SLC44A1: variants seen among roughly 807,000 people sequenced by gnomAD.
SLC44A1 encodes the protein solute carrier family 44 member 1.
SLC44A1 carries 26 observed loss-of-function variants against 79.3 expected under a neutral mutation model. The observed-to-expected ratio is 0.33, with a 90% CI of 0.24 to 0.46. The LOEUF (loss-of-function observed/expected upper bound fraction) is 0.46, where lower values mean the gene tolerates loss of function less well. Ranked by LOEUF, SLC44A1 falls within the 20% of genes least tolerant of loss-of-function variation. The pLI, the probability that SLC44A1 is intolerant of heterozygous loss-of-function variation, is 1.00. For missense variants in SLC44A1, 688 were observed against 798.1 expected (o/e 0.86, Z 1.66); for synonymous variants, 263 against 286.2 (o/e 0.92, Z 0.82).
chr9:105,259,264 A>G (rs1010369480), intron 1 of SLC44A1, among the ~76,000 whole-genome samples: 6 of 152,190 alleles, frequency 3.9e-5, no homozygotes, highest in African/African-American at 1.4e-4. Flanking sequence ...ATAATTCACC[A>G]ATTCCTGAAA....
At chr9:105,369,630 T>G (rs1189216666) in intron 12 of SLC44A1, among the ~76,000 whole-genome samples, 3 of 152,222 alleles carry the variant, frequency 2.0e-5, no homozygotes, top group Non-Finnish European at 4.4e-5. Flanking sequence ...TTCTTTAATT[T>G]ATACGAATCC....
At chr9:105,354,708 T>G (rs1430431157) in intron 5 of SLC44A1, among the ~76,000 whole-genome samples, 1 of 152,254 alleles carries the variant, frequency 6.6e-6, no homozygotes, top group Non-Finnish European at 1.5e-5. Flanking sequence ...AAAATTATAT[T>G]ATTTTAACGT....
chr9:105,370,166 GAAAGCCAC>G (rs1274031838), intron 12 of SLC44A1, among the ~76,000 whole-genome samples: 2 of 152,206 alleles, frequency 1.3e-5, no homozygotes, highest in Non-Finnish European at 2.9e-5. Context: ...AGTTATCAGG[GAAAGCCAC>G]AAAGGACTCC....
At chr9:105,375,022 GTGTTGTTTTTTTGT>G (rs912820362) in intron 13 of SLC44A1, among the ~76,000 whole-genome samples, 1 of 152,134 alleles carries the variant, frequency 6.6e-6, no homozygotes, top group African/African-American at 2.4e-5. Flanking sequence ...TTCTCTTTCT[GTGTTGTTTTTTTGT>G]TGTTGTTTGT....
intron 13 of SLC44A1, among the ~76,000 whole-genome samples, chr9:105,379,095 C>T (rs1287893521): frequency 6.6e-6 from 1 of 152,038 alleles, no homozygotes; most frequent in African/African-American, 2.4e-5. Context: ...AACAACATGG[C>T]GAAACCCCAT....
At chr9:105,328,369 T>A (rs1826647626) in intron 3 of SLC44A1, among the ~76,000 whole-genome samples, 1 of 152,152 alleles carries the variant, frequency 6.6e-6, no homozygotes, top group African/African-American at 2.4e-5. Flanking sequence ...CAGCAAAGGC[T>A]TCACTGAGAA....
intron 1 of SLC44A1, among the ~76,000 whole-genome samples, chr9:105,251,353 G>A (rs1829583870): frequency 1.3e-5 from 2 of 151,998 alleles, no homozygotes; most frequent in Admixed American, 6.6e-5. Flanking sequence ...CCTTCTCAAC[G>A]TCACTGCCAG....
At chr9:105,429,455 A>C (rs1017228316) in intron 15 of SLC44A1, among the ~76,000 whole-genome samples, 2 of 152,056 alleles carry the variant, frequency 1.3e-5, no homozygotes, top group African/African-American at 4.8e-5. Context: ...AGTATGTGCC[A>C]CCGTGCCTGG....
intron 1 of SLC44A1, among the ~76,000 whole-genome samples, chr9:105,261,958 T>A (rs1345162165): frequency 6.6e-6 from 1 of 152,006 alleles, no homozygotes; most frequent in African/African-American, 2.4e-5. Context: ...TTTATTTTTT[T>A]ATTTTTAGTT....
intron 5 of SLC44A1, among the ~76,000 whole-genome samples, chr9:105,355,726 T>C (rs1278366241): frequency 1.3e-5 from 2 of 152,214 alleles, no homozygotes; most frequent in Non-Finnish European, 2.9e-5. Context: ...TGTATGCTGT[T>C]TTGTTAGAGG....
At chr9:105,428,050 G>A (rs10123783) in intron 15 of SLC44A1, among the ~76,000 whole-genome samples, 6,195 of 151,772 alleles carry the variant, frequency 0.041, 406 homozygotes, top group African/African-American at 0.14. Context: ...GTACTTTTTC[G>A]GTCATATTAG....
intron 5 of SLC44A1, among the ~76,000 whole-genome samples, chr9:105,355,462 A>G (rs1214452829): frequency 6.6e-6 from 1 of 152,230 alleles, no homozygotes; most frequent in African/African-American, 2.4e-5. Flanking sequence ...ATGTGATCCT[A>G]ACAAGTCCAG....
In SLC44A1 at chr9:105,374,706, G is replaced by A. The variant is rs1243218533; in HGVS notation, c.1603G>A (p.Val535Ile). The change falls in exon 13 of 16, where the codon GTA becomes ATA. Residue 535 changes from valine (V) to isoleucine (I), a missense_variant. By Grantham distance (29) the Val-to-Ile change is conservative. Coordinates refer to ENST00000374720, the MANE Select transcript of SLC44A1 (RefSeq NM_080546.5). The part of the protein sequence containing the change: ...NALRVATINT[V>I]GDFMLFLGKV... ...TTTGCGAGTGGCTACCATCAACACA[G>A]TAGGAGATTTTATGTTATTCCTTGG... 1 of 1,613,012 alleles carries A rather than the reference G, an allele frequency of 6.2e-7. No individual in the cohort carries two copies. Among genetic ancestry groups the A allele is most frequent in the African/African-American group, 1.3e-5 (1 of 74,912 alleles).
At chr9:105,376,375 CTTT>C (rs34947116) in intron 13 of SLC44A1, among the ~76,000 whole-genome samples, 3 of 136,334 alleles carry the variant, frequency 2.2e-5, no homozygotes, top group African/African-American at 2.8e-5. Flanking sequence ...ACACACACTG[CTTT>C]TTTTTTTTTT....
chr9:105,386,746 G>C (rs1310243421), intron 15 of SLC44A1: 1 of 151,330 alleles, frequency 6.6e-6, no homozygotes, highest in Non-Finnish European at 1.5e-5. Context: ...AAGTAGGCTA[G>C]GCATGGTGGC....
At chr9:105,264,412 C>T (rs1829912401) in intron 1 of SLC44A1, among the ~76,000 whole-genome samples, 1 of 152,190 alleles carries the variant, frequency 6.6e-6, no homozygotes, top group Non-Finnish European at 1.5e-5. Flanking sequence ...AGTGATCCTC[C>T]TGCTTTGGCC....
At chr9:105,307,443 A>G (rs1831062013) in intron 2 of SLC44A1, among the ~76,000 whole-genome samples, 2 of 152,164 alleles carry the variant, frequency 1.3e-5, no homozygotes, top group African/African-American at 4.8e-5. Flanking sequence ...CAGGAGTTTG[A>G]GACCAGCCTG....
intron 3 of SLC44A1, among the ~76,000 whole-genome samples, chr9:105,322,113 C>T (rs143913587): frequency 1.5e-4 from 23 of 152,120 alleles, no homozygotes; most frequent in East Asian, 1.2e-3. Context: ...GGAGGCACAC[C>T]GTGGAAGTGG....
chr9:105,367,867 C>G (rs1827987265), intron 12 of SLC44A1, among the ~76,000 whole-genome samples: 1 of 152,214 alleles, frequency 6.6e-6, no homozygotes, highest in Non-Finnish European at 1.5e-5. Flanking sequence ...TATCTGTTAA[C>G]TTTACCTTTA....
Sources: gnomAD v4.1 joint callset for allele counts (sites outside exome capture counted in the v4.1 genomes callset) on GRCh38, gnomAD v4.1.1 for gene constraint, MANE v1.5 for transcripts, NCBI Gene and HGNC (gene_info 2026-07-23, HGNC 2026-07-21) for gene names.